The following GPHN variants were observed in gnomAD, a reference collection of about 807,000 sequenced individuals.
The protein encoded by GPHN is gephyrin.
A neutral mutation model predicts 95.5 loss-of-function variants in GPHN; 17 were observed. That is an observed-to-expected ratio of 0.18 (90% CI 0.12 to 0.27). The LOEUF is 0.27. Ranked by LOEUF, GPHN falls within the 10% of genes least tolerant of loss-of-function variation. The pLI is 1.00. For missense variants in GPHN, 660 were observed against 978.1 expected, an observed-to-expected ratio of 0.67 and a Z score of 4.34; for synonymous variants, 320 against 322.5, an observed-to-expected ratio of 0.99 and a Z score of 0.08.
the GPHN span, among the ~76,000 whole-genome samples, chr14:67,706,823 C>T: frequency 6.6e-6 from 1 of 152,050 alleles, no homozygotes; most frequent in Admixed American, 6.6e-5. Flanking sequence ...GTCTCTGGTC[C>T]CAGCTTTTTT....
chr14:66,741,558 A>G (rs923071591), intron 2 of GPHN, among the ~76,000 whole-genome samples: 22 of 152,180 alleles, frequency 1.4e-4, no homozygotes, highest in African/African-American at 4.8e-4. Flanking sequence ...AAGACATGTA[A>G]GTTGTTGTCT....
At chr14:67,066,020 T>C (rs1172720723) in intron 11 of GPHN, among the ~76,000 whole-genome samples, 1 of 152,212 alleles carries the variant, frequency 6.6e-6, no homozygotes, top group Non-Finnish European at 1.5e-5. Context: ...TGATGCAGTT[T>C]CTTCATAGCA....
intron 9 of GPHN, among the ~76,000 whole-genome samples, chr14:66,988,086 C>G (rs1288270046): frequency 6.6e-6 from 1 of 151,822 alleles, no homozygotes; most frequent in Non-Finnish European, 1.5e-5. Flanking sequence ...TTTGTCCTCT[C>G]ATCTCCATCT....
rs1458836230 is a variant in GPHN at position 67,058,693 on chromosome 14, A to G, written c.1051A>G (p.Met351Val). 38 of 1,613,256 alleles carry G rather than the reference A, an allele frequency of 2.4e-5. No individual in the cohort carries two copies. The highest frequency in any genetic ancestry group is 3.1e-5 in the Non-Finnish European group (37 of 1,179,290). The change falls in exon 11 of 23, where the codon ATG becomes GTG. Residue 351 changes from methionine to valine, a missense_variant. Around this residue, in one of 6 missense-constraint regions of GPHN, gnomAD observed 190 missense variants for 224.7 expected, o/e 0.85. Transcript: ENST00000478722. ...CACCAAGGTGGCTAGAAGACATCGC[A>G]TGTCTCCTTTTCCTCTGACATCTAT... ...DITKVARRHR[M>V]SPFPLTSMDK...
rs563374691 is a variant in GPHN at position 66,840,292 on chromosome 14, A to G, written c.294+15726A>G. Among the ~76,000 whole-genome samples the G allele has an allele frequency of 6.4e-4, 98 of 152,254 alleles. 1 individual carries two copies. The South Asian group carries it at 0.02, about 30-fold the overall frequency. ...AGACACTGTCTCAAAAATAAAAAAT[A>G]AAACTAATAATAATATTGAAAGCAA... On this transcript the variant is annotated intron_variant, in intron 4 of 22. Coordinates refer to ENST00000478722, the MANE Select transcript of GPHN (RefSeq NM_020806.5).
chr14:67,079,905 A>G (rs1460808983), intron 11 of GPHN, among the ~76,000 whole-genome samples: 2 of 152,060 alleles, frequency 1.3e-5, no homozygotes, highest in Non-Finnish European at 2.9e-5. Flanking sequence ...GACCATATTC[A>G]AGACCTTGCT....
chr14:66,601,510 C>T (rs138221798), intron 1 of GPHN, among the ~76,000 whole-genome samples: 142 of 151,876 alleles, frequency 9.3e-4, no homozygotes, highest in African/African-American at 3.3e-3. Flanking sequence ...TTTCAGTTTT[C>T]GGGATTCATA....
intron 3 of GPHN, among the ~76,000 whole-genome samples, chr14:66,800,915 A>G (rs2060326590): frequency 6.6e-6 from 1 of 151,872 alleles, no homozygotes; most frequent in African/African-American, 2.4e-5. Context: ...TGTAGTTTCA[A>G]ATGGCCTGTA....
the GPHN span, among the ~76,000 whole-genome samples, chr14:67,705,547 T>A: frequency 8.5e-5 from 13 of 152,186 alleles, no homozygotes; most frequent in East Asian, 2.5e-3. Context: ...CAATGTGGGG[T>A]CCTGAATTCA....
chr14:67,489,261 G>T, the GPHN span, among the ~76,000 whole-genome samples: 1 of 152,122 alleles, frequency 6.6e-6, no homozygotes, highest in Admixed American at 6.5e-5. Flanking sequence ...CCAAACATTT[G>T]ATTCAAATCC....
At chr14:67,329,957 G>GA in the GPHN span, among the ~76,000 whole-genome samples, 8,642 of 151,178 alleles carry the variant, frequency 0.057, 520 homozygotes, top group African/African-American at 0.15. Flanking sequence ...ATTGTACTCT[G>GA]AATCTGTTCT....
intron 16 of GPHN, among the ~76,000 whole-genome samples, chr14:67,120,053 G>A (rs187404933): frequency 6.6e-6 from 1 of 151,836 alleles, no homozygotes; most frequent in Non-Finnish European, 1.5e-5. Context: ...TTGAACCCAG[G>A]GGGTGGAGGT....
intron 3 of GPHN, among the ~76,000 whole-genome samples, chr14:66,798,992 A>G (rs2060253848): frequency 6.6e-6 from 1 of 151,656 alleles, no homozygotes; most frequent in Admixed American, 6.6e-5. Flanking sequence ...GCTGTATCCC[A>G]TAGGTTTTGA....
chr14:66,820,331 A>G (rs1472460519), intron 3 of GPHN, among the ~76,000 whole-genome samples: 1 of 152,154 alleles, frequency 6.6e-6, no homozygotes, highest in African/African-American at 2.4e-5. Context: ...TGGAACTTGC[A>G]CAGAAAAAAA....
chr14:67,699,589 CA>C, the GPHN span, among the ~76,000 whole-genome samples: 9,380 of 50,876 alleles, frequency 0.18, 204 homozygotes, highest in South Asian at 0.34. Flanking sequence ...GACCCTATCT[CA>C]AAAAAAAAAA....
At chr14:67,267,902 CCTTT>C in the GPHN span, among the ~76,000 whole-genome samples, 4 of 151,990 alleles carry the variant, frequency 2.6e-5, no homozygotes, top group African/African-American at 9.7e-5. Flanking sequence ...AGTAGTTTGT[CCTTT>C]CTTATTGCAT....
At chr14:66,752,755 T>G (rs1355930910) in intron 2 of GPHN, among the ~76,000 whole-genome samples, 2 of 151,966 alleles carry the variant, frequency 1.3e-5, no homozygotes, top group East Asian at 3.9e-4. Context: ...GCAGACTTCC[T>G]TGACATGGGT....
At chr14:66,930,002 C>T (rs2066699898) in intron 8 of GPHN, among the ~76,000 whole-genome samples, 2 of 152,142 alleles carry the variant, frequency 1.3e-5, no homozygotes, top group East Asian at 1.9e-4. Context: ...TGAGCCACCG[C>T]GCCCGGCCGT....
intron 5 of GPHN, among the ~76,000 whole-genome samples, chr14:66,897,868 T>C (rs2064936844): frequency 6.6e-6 from 1 of 152,094 alleles, no homozygotes; most frequent in African/African-American, 2.4e-5. Context: ...AGAGCAACTG[T>C]ATCATTTTAC....
Sources: gnomAD v4.1 joint callset for allele counts (sites outside exome capture counted in the v4.1 genomes callset) on GRCh38, gnomAD v4.1.1 for gene constraint, gnomAD v4.1.1 regional missense constraint, MANE v1.5 for transcripts, NCBI Gene and HGNC (gene_info 2026-07-23, HGNC 2026-07-21) for gene names.